SAMD4A: variants seen among roughly 807,000 people sequenced by gnomAD.
SAMD4A encodes the protein protein Smaug homolog 1.
SAMD4A carries 33 observed loss-of-function variants against 81.3 expected under a neutral mutation model. The ratio of observed to expected loss-of-function variants is 0.41; its 90% CI spans 0.31 to 0.54. The LOEUF (loss-of-function observed/expected upper bound fraction) is 0.54. SAMD4A is among the 20% of genes least tolerant of loss of function. The pLI, the probability that SAMD4A is intolerant of heterozygous loss-of-function variation, is 0.37. For missense variants in SAMD4A, 854 were observed against 951.1 expected, an observed-to-expected ratio of 0.90 and a Z score of 1.34; for synonymous variants, 389 against 382.1, an observed-to-expected ratio of 1.02 and a Z score of -0.21.
chr14:54,585,865 A>G (rs2033600848), intron 2 of SAMD4A, among the ~76,000 whole-genome samples: 1 of 152,046 alleles, frequency 6.6e-6, no homozygotes, highest in Non-Finnish European at 1.5e-5. Context: ...CTCGTTCCAT[A>G]TTTTTGCCAT....
chr14:54,717,108 T>C (rs930243056), intron 3 of SAMD4A, among the ~76,000 whole-genome samples: 1 of 152,168 alleles, frequency 6.6e-6, no homozygotes, highest in Admixed American at 6.5e-5. Context: ...CTTAGGGAGC[T>C]ACATTGTGAG....
intron 2 of SAMD4A, among the ~76,000 whole-genome samples, chr14:54,655,350 A>G (rs1291541762): frequency 1.3e-5 from 2 of 152,212 alleles, no homozygotes; most frequent in African/African-American, 4.8e-5. Context: ...GACTGAGTTT[A>G]TTCCAGTCAA....
chr14:54,711,990 T>A (rs1247484906), intron 3 of SAMD4A, among the ~76,000 whole-genome samples: 1 of 152,094 alleles, frequency 6.6e-6, no homozygotes, highest in Non-Finnish European at 1.5e-5. Flanking sequence ...ACAAACCGCT[T>A]CAAGTGCATT....
At chr14:54,765,786 C>T (rs1015527565) in intron 8 of SAMD4A, among the ~76,000 whole-genome samples, 1 of 152,158 alleles carries the variant, frequency 6.6e-6, no homozygotes, top group Non-Finnish European at 1.5e-5. Flanking sequence ...TTCCAGCTGT[C>T]ACATGGGCCC....
chr14:54,627,673 T>C (rs956217799), intron 2 of SAMD4A, among the ~76,000 whole-genome samples: 4 of 152,246 alleles, frequency 2.6e-5, no homozygotes, highest in South Asian at 2.1e-4. Flanking sequence ...GGCAGTTTTT[T>C]ACATCCTTCC....
chr14:54,604,536 A>G (rs1486494119), intron 2 of SAMD4A, among the ~76,000 whole-genome samples: 2 of 152,244 alleles, frequency 1.3e-5, no homozygotes, highest in Non-Finnish European at 2.9e-5. Flanking sequence ...TGGCATGTCT[A>G]TGCAACGTAC....
intron 2 of SAMD4A, among the ~76,000 whole-genome samples, chr14:54,684,619 C>CCG (rs1566583019): frequency 2.2e-5 from 3 of 136,198 alleles, no homozygotes; most frequent in Admixed American, 7.3e-5. Flanking sequence ...CCCGCCCCCC[C>CCG]CCCCAACCAG....
chr14:54,571,628 A>G (rs2033131520), intron 2 of SAMD4A, among the ~76,000 whole-genome samples: 1 of 152,222 alleles, frequency 6.6e-6, no homozygotes, highest in Non-Finnish European at 1.5e-5. Flanking sequence ...TGGTAAGTAA[A>G]TGACAATAAA....
intron 2 of SAMD4A, among the ~76,000 whole-genome samples, chr14:54,674,285 G>A (rs1232981744): frequency 6.6e-6 from 1 of 152,226 alleles, no homozygotes; most frequent in African/African-American, 2.4e-5. Flanking sequence ...AGGGAGGGAA[G>A]GGCAGGAGTT....
At chr14:54,578,124 A>G (rs571467214) in intron 2 of SAMD4A, among the ~76,000 whole-genome samples, 72 of 152,266 alleles carry the variant, frequency 4.7e-4, no homozygotes, top group African/African-American at 1.7e-3. Flanking sequence ...CAATAACCCT[A>G]TGAGATGAGG....
chr14:54,624,552 ATGTGCTGAC>A (rs1271018686), intron 2 of SAMD4A, among the ~76,000 whole-genome samples: 1 of 152,248 alleles, frequency 6.6e-6, no homozygotes, highest in Non-Finnish European at 1.5e-5. Context: ...AGCACAAATG[ATGTGCTGAC>A]TGAAGTTTGG....
Position 54,784,145 on chromosome 14 carries a change from G to T in SAMD4A, c.2045-392G>T, listed in dbSNP as rs909839287. 7 of 565,010 alleles carry T rather than the reference G, an allele frequency of 1.2e-5. No homozygotes were observed. The Admixed American group carries it at 1.5e-4, about 12-fold the overall frequency. 35.0% of individuals were successfully genotyped at this position (565,010 alleles called of 1,614,324 possible). ...GGTGCAAAGGCCGTGAGGTAGGAGG[G>T]GGCCTGGGGCAGAGCAGAGGAAGGA... On this transcript the variant is annotated intron_variant, in intron 11 of 12. Transcript: ENST00000554335.
chr14:54,705,280 C>T (rs914965758), intron 3 of SAMD4A, among the ~76,000 whole-genome samples: 6 of 152,110 alleles, frequency 3.9e-5, no homozygotes, highest in Admixed American at 1.3e-4. Context: ...TTCTGATGGG[C>T]GCCTGACATA....
At chr14:54,757,409 G>T (rs966124967) in intron 6 of SAMD4A, among the ~76,000 whole-genome samples, 1 of 147,162 alleles carries the variant, frequency 6.8e-6, no homozygotes, top group Non-Finnish European at 1.5e-5. Context: ...GTGTGTGTGT[G>T]TGTGTGTGTG....
At chr14:54,680,485 T>G (rs1594802285) in intron 2 of SAMD4A, among the ~76,000 whole-genome samples, 1 of 152,248 alleles carries the variant, frequency 6.6e-6, no homozygotes, top group Non-Finnish European at 1.5e-5. Context: ...TTTTCCTGTG[T>G]CATTACTTTT....
chr14:54,617,519 G>A (rs764910175), intron 2 of SAMD4A, among the ~76,000 whole-genome samples: 2 of 151,808 alleles, frequency 1.3e-5, no homozygotes, highest in Admixed American at 1.3e-4. Flanking sequence ...ATTTTAAGTT[G>A]GCCAGGTCCC....
At chr14:54,615,961 A>G (rs1389186313) in intron 2 of SAMD4A, among the ~76,000 whole-genome samples, 5 of 152,108 alleles carry the variant, frequency 3.3e-5, no homozygotes, top group African/African-American at 4.8e-5. Flanking sequence ...GAAATTTCCT[A>G]TGTAAAAATA....
chr14:54,644,855 G>T (rs2035252072), intron 2 of SAMD4A, among the ~76,000 whole-genome samples: 1 of 152,096 alleles, frequency 6.6e-6, no homozygotes, highest in African/African-American at 2.4e-5. Context: ...TCAGTAAATT[G>T]GATGGTGTGG....
chr14:54,694,985 A>G, intron 2 of SAMD4A: 1 of 929,798 alleles, frequency 1.1e-6, no homozygotes, highest in African/African-American at 1.8e-5. Context: ...TTGCCTTTTG[A>G]GGATGGTCAG....
Sources: allele counts gnomAD v4.1 joint callset (sites outside exome capture counted in the v4.1 genomes callset), GRCh38; gene constraint gnomAD v4.1.1; transcripts MANE v1.5; gene names NCBI Gene and HGNC (gene_info 2026-07-23, HGNC 2026-07-21).